CFAP92: variants seen among roughly 807,000 people sequenced by gnomAD.
CFAP92 encodes the protein uncharacterized protein CFAP92.
Under a neutral mutation model 106.3 loss-of-function variants are expected in CFAP92, and 86 were observed. The ratio of observed to expected loss-of-function variants is 0.81; its 90% CI spans 0.68 to 0.97. The LOEUF (loss-of-function observed/expected upper bound fraction) is 0.97. Among genes scored for constraint, CFAP92 ranks in the 50% least tolerant of loss-of-function variants. The pLI is 0.00. For synonymous variants in CFAP92, 477 were observed against 506.4 expected, an observed-to-expected ratio of 0.94 and a Z score of 0.78; for missense variants, 1,204 against 1,283.8, an observed-to-expected ratio of 0.94 and a Z score of 0.95.
intron 10 of CFAP92, among the ~76,000 whole-genome samples, chr3:128,943,198 G>A (rs186668677): frequency 1.6e-4 from 24 of 152,244 alleles, no homozygotes; most frequent in South Asian, 4.1e-4. Context: ...GATTCCAGGC[G>A]TGAGCCACTG....
chr3:129,004,856 A>G (rs1300125954), upstream of CFAP92, among the ~76,000 whole-genome samples: 1 of 152,148 alleles, frequency 6.6e-6, no homozygotes, highest in Admixed American at 6.5e-5. Context: ...CTTGGGACCC[A>G]GGTTCAAATC....
chr3:128,950,464 A>T (rs549326699), intron 9 of CFAP92, among the ~76,000 whole-genome samples: 1 of 152,328 alleles, frequency 6.6e-6, no homozygotes, highest in African/African-American at 2.4e-5. Context: ...ACCTAAAGGA[A>T]GCGGACTACA....
chr3:128,949,794 C>A (rs190561857), intron 9 of CFAP92, among the ~76,000 whole-genome samples: 17 of 152,352 alleles, frequency 1.1e-4, no homozygotes, highest in African/African-American at 4.1e-4. Flanking sequence ...TCAAGCAATT[C>A]TCCTGCTTCA....
In CFAP92 at chr3:128,987,617, T is replaced by C. The variant is rs949929772; in HGVS notation, c.666A>G (p.Ser222=). ...CCATTTCAAATAAAACCAGAGCACC[T>C]GACTTATGAAAAGCTCCCACGTCGT... ...FTDDVGAFHK[S]EVRHLVLNQR... is the part of the protein sequence containing the mutation. Residue 222 remains serine (S), a splice_region_variant and synonymous_variant, in exon 4 of 16, where the codon TCA becomes TCG. Transcript: ENST00000645291. 1.2e-6 allele frequency: 2 copies of C among 1,613,518 alleles called. No individual in the cohort carries two copies. The highest frequency in any genetic ancestry group is 2.7e-5 in the African/African-American group (2 of 74,884).
rs1936734992 is a variant in CFAP92 at position 128,915,473 on chromosome 3, T to A, written c.3007A>T (p.Lys1003Ter). Residue 1003 changes from lysine to a stop codon, truncating the protein, a stop_gained, in exon 14 of 16, where the codon AAG becomes TAG. Coordinates refer to ENST00000645291, the MANE Select transcript of CFAP92 (RefSeq NM_001394090.1). LOFTEE classifies it high-confidence loss of function. ...GTGAGCCAGGCCTGGCGGGATTTCT[T>A]CTGGGCTTTCTTCTCCTCTTCCTTC... ...DLKEEEKKAQKKSRQAWLTAR... is the reference protein window; with the variant it reads ...DLKEEEKKAQ 3 of 1,535,818 alleles carry A rather than the reference T, an allele frequency of 2.0e-6. No individual in the cohort carries two copies. Among genetic ancestry groups the A allele is most frequent in the African/African-American group, 2.7e-5 (2 of 72,868 alleles).
chr3:128,999,531 CTTTTTTTTTTT>C (rs5852556), intron 1 of CFAP92, among the ~76,000 whole-genome samples: 1 of 71,594 alleles, frequency 1.4e-5, no homozygotes, highest in Non-Finnish European at 2.4e-5. Context: ...AAATCAGGTT[CTTTTTTTTTTT>C]TTTTTTTTTT....
At chr3:128,967,588 C>T (rs1470055244) in intron 8 of CFAP92, 4 of 152,026 alleles carry the variant, frequency 2.6e-5, no homozygotes, top group Non-Finnish European at 5.9e-5. Flanking sequence ...GTATTCCCAA[C>T]TACTCAGGAA....
In CFAP92 at chr3:128,916,192, G is replaced by T; in HGVS notation, c.2831C>A (p.Ala944Asp). Residue 944 changes from alanine (A) to aspartate (D), a missense_variant, in exon 13 of 16, where the codon GCC becomes GAC. Transcript: ENST00000645291. Reference protein sequence around the residue: ...VAKVIKISAPANKAVYNYSTQ... With the variant: ...VAKVIKISAPDNKAVYNYSTQ... The stretch of plus-strand genomic sequence containing the variant: ...ACTATAGTTGTAGACGGCCTTGTTG[G>T]CAGGGGCTGAAATTTTAATCACCTT... The T allele has an allele frequency of 8.1e-7, 1 of 1,232,080 alleles. No individual in the cohort carries two copies. The highest frequency in any genetic ancestry group is 1.0e-6 in the Non-Finnish European group (1 of 987,942). The allele number at this position is 1,232,080 out of a possible 1,614,324, so 76.3% of individuals were successfully genotyped here.
At chr3:128,994,121 C>T (rs978033113), upstream of CFAP92, 4 of 985,672 alleles carry the variant, frequency 4.1e-6, no homozygotes, top group African/African-American at 5.2e-5. Flanking sequence ...GGCCCAGCCA[C>T]TCAGCTACGT....
intron 10 of CFAP92, among the ~76,000 whole-genome samples, chr3:128,936,923 G>A (rs941646131): frequency 3.3e-5 from 5 of 152,146 alleles, no homozygotes; most frequent in Non-Finnish European, 7.4e-5. Flanking sequence ...CCAAATGTAC[G>A]ATTCTTTTCT....
intron 5 of CFAP92, among the ~76,000 whole-genome samples, chr3:128,977,675 A>G (rs9866175): frequency 0.037 from 5,638 of 152,272 alleles, 275 homozygotes; most frequent in African/African-American, 0.11. Context: ...CCTGGCCAAC[A>G]TGGTGAAACC....
intron 2 of CFAP92, 92 bp downstream of exon 2, chr3:128,992,951 A>G (rs1944307366): frequency 1.4e-6 from 2 of 1,454,694 alleles, no homozygotes; most frequent in Non-Finnish European, 1.9e-6. Context: ...GCAGGTGGAG[A>G]GAGGATGTGG....
chr3:129,001,748 G>A (rs1576683268), intron 1 of CFAP92: 14 of 1,541,020 alleles, frequency 9.1e-6, no homozygotes, highest in Non-Finnish European at 1.0e-5. Flanking sequence ...ACTACGGGCT[G>A]GACCGCGGCG....
chr3:128,968,893 C>A, intron 8 of CFAP92: 1 of 159,320 alleles, frequency 6.3e-6, no homozygotes, highest in South Asian at 1.9e-4. Context: ...GGATCACTGT[C>A]AGGCCTCTGA....
intron 12 of CFAP92, among the ~76,000 whole-genome samples, chr3:128,920,230 C>G (rs1305308723): frequency 6.6e-6 from 1 of 152,076 alleles, no homozygotes; most frequent in African/African-American, 2.4e-5. Flanking sequence ...ATGGTGAAAC[C>G]CTGTTTCTAC....
At chr3:128,962,930 A>G (rs1449790793) in intron 9 of CFAP92, among the ~76,000 whole-genome samples, 1 of 152,052 alleles carries the variant, frequency 6.6e-6, no homozygotes, top group African/African-American at 2.4e-5. Flanking sequence ...TCTACTACCC[A>G]TTATTCTGTT....
the CFAP92 span, among the ~76,000 whole-genome samples, chr3:129,017,547 C>T: frequency 1.3e-5 from 2 of 152,208 alleles, no homozygotes; most frequent in African/African-American, 2.4e-5. Flanking sequence ...GCCGTGGGAC[C>T]GAGGCCCTAT....
intron 1 of CFAP92, among the ~76,000 whole-genome samples, chr3:129,001,259 AGGAG>A (rs1944724863): frequency 1.3e-5 from 2 of 152,090 alleles, no homozygotes; most frequent in South Asian, 4.1e-4. Context: ...GGGCGGAGGG[AGGAG>A]GGAGTTGAGA....
chr3:129,002,293 A>G, intron 1 of CFAP92: 2 of 1,527,152 alleles, frequency 1.3e-6, no homozygotes, highest in Non-Finnish European at 1.7e-6. Context: ...GCCGCGCTGC[A>G]GAGCAGTGAT....
Sources: gnomAD v4.1 joint callset for allele counts (sites outside exome capture counted in the v4.1 genomes callset) on GRCh38, gnomAD v4.1.1 for gene constraint, MANE v1.5 for transcripts, NCBI Gene and HGNC (gene_info 2026-07-23, HGNC 2026-07-21) for gene names.